The following PTPRT variants were observed in gnomAD, a reference collection of about 807,000 sequenced individuals.
PTPRT encodes protein tyrosine phosphatase receptor type T.
PTPRT carries 56 observed loss-of-function variants against 176.8 expected under a neutral mutation model. The observed-to-expected ratio is 0.32, with a 90% confidence interval of 0.26 to 0.40. The LOEUF (loss-of-function observed/expected upper bound fraction) is 0.40. Ranked by LOEUF, PTPRT falls within the 10% of genes least tolerant of loss-of-function variation. The probability of loss-of-function intolerance (pLI) is 1.00; values close to 1 mark genes in which losing one functional copy is unlikely to be tolerated. For missense variants in PTPRT, 1,540 were observed against 1,908.2 expected (o/e 0.81, Z 3.60); for synonymous variants, 783 against 739.0 (o/e 1.06, Z -0.96).
At chr20:42,182,726 C>A (rs564997162) in intron 16 of PTPRT, among the ~76,000 whole-genome samples, 1 of 152,116 alleles carries the variant, frequency 6.6e-6, no homozygotes, top group Admixed American at 6.5e-5. Flanking sequence ...AGGTATCACA[C>A]CCTCAAAATA....
chr20:42,930,329 T>G (rs1979753446), intron 1 of PTPRT, among the ~76,000 whole-genome samples: 1 of 152,154 alleles, frequency 6.6e-6, no homozygotes, highest in East Asian at 1.9e-4. Flanking sequence ...TTTCAGAAGA[T>G]TTGGGCCCCT....
At position 42,141,956 on chromosome 20, in the gene PTPRT, T is replaced by A; in HGVS notation, c.2729A>T (p.Asp910Val). 1 of 1,614,148 alleles carries A rather than the reference T, an allele frequency of 6.2e-7. No individual in the cohort carries two copies. Among genetic ancestry groups the A allele is most frequent in the Non-Finnish European group, 8.5e-7 (1 of 1,179,994 alleles). ...ATATCGATTCTTATTGCGGTTTTCA[T>A]CCTCCTTGGCTGTGTCCCACGAAGC... ...QTASWDTAKE[D>V]ENRNKNRYGN... is the part of the protein sequence containing the mutation. The change falls in exon 18 of 31, where the codon GAT (aspartate) becomes GTT (valine). Residue 910 changes from aspartate to valine, a missense_variant. Physicochemically the swap from Asp to Val is radical, Grantham distance 152 (BLOSUM62 -3). Coordinates refer to ENST00000373187, the MANE Select transcript of PTPRT (RefSeq NM_007050.6).
At position 43,027,656 on chromosome 20, in the gene PTPRT, C is replaced by T. The variant is rs912753109; in HGVS notation, c.89-141724G>A. ...GAGAGAGGCCTCAGGAGAAAACAAA[C>T]CTGCCAGCACCTCAATCTTCAACTT... On this transcript the variant is annotated intron_variant, in intron 1 of 30. Transcript: ENST00000373187. Among the ~76,000 whole-genome samples the T allele has an allele frequency of 4.6e-5, 7 of 152,072 alleles. 1 individual carries two copies. Among genetic ancestry groups the T allele is most frequent in the Non-Finnish European group, 4.4e-5 (3 of 68,014 alleles).
chr20:42,549,649 C>A (rs770180694), intron 7 of PTPRT, among the ~76,000 whole-genome samples: 5 of 152,168 alleles, frequency 3.3e-5, no homozygotes, highest in Non-Finnish European at 5.9e-5. Context: ...TGAAGAGGCA[C>A]CTGTTTATTC....
chr20:42,972,527 T>A (rs888633576), intron 1 of PTPRT, among the ~76,000 whole-genome samples: 1 of 151,726 alleles, frequency 6.6e-6, no homozygotes, highest in Non-Finnish European at 1.5e-5. Flanking sequence ...CTGCTTGTGA[T>A]GGTGCACACC....
At chr20:42,817,532 A>T (rs555122119) in intron 2 of PTPRT, among the ~76,000 whole-genome samples, 1 of 152,344 alleles carries the variant, frequency 6.6e-6, no homozygotes, top group South Asian at 2.1e-4. Context: ...TTATTCTAGG[A>T]AAGGAAAGAC....
chr20:42,885,912 G>C lies in PTPRT; in HGVS notation c.109C>G (p.His37Asp), dbSNP rs200648521. 713 of 1,608,870 alleles carry C rather than the reference G, an allele frequency of 4.4e-4. No homozygotes were observed. Among genetic ancestry groups the C allele is most frequent in the Middle Eastern group, 8.3e-4 (5 of 6,032 alleles). The change falls in exon 2 of 31, where the codon CAC (histidine) becomes GAC (aspartate). Residue 37 changes from histidine to aspartate, a missense_variant. Transcript: ENST00000373187. ...ACACTATAACCACAGTTGCTGTAGTGCTCATCAAAGGAACAGCCACCTGTA... is the reference window on the plus strand; with the variant it reads ...ACACTATAACCACAGTTGCTGTAGTCCTCATCAAAGGAACAGCCACCTGTA... ...SAAGGCSFDE[H>D]YSNCGYSVAL...
chr20:42,701,584 G>T (rs1320355329), intron 6 of PTPRT, among the ~76,000 whole-genome samples: 1 of 152,142 alleles, frequency 6.6e-6, no homozygotes, highest in Non-Finnish European at 1.5e-5. Context: ...GGTTTACATT[G>T]AGAATTGCAA....
chr20:42,293,654 C>T (rs533022390), intron 12 of PTPRT, among the ~76,000 whole-genome samples: 1 of 152,242 alleles, frequency 6.6e-6, no homozygotes, highest in Admixed American at 6.5e-5. Context: ...TCCTGAGATC[C>T]AGGCTCATCT....
intron 6 of PTPRT, among the ~76,000 whole-genome samples, chr20:42,725,181 C>T (rs763047231): frequency 6.6e-6 from 1 of 151,770 alleles, no homozygotes; most frequent in Non-Finnish European, 1.5e-5. Flanking sequence ...GCACACACCA[C>T]CACGCCCGGC....
chr20:43,137,025 C>T (rs539078285), intron 1 of PTPRT, among the ~76,000 whole-genome samples: 1 of 152,286 alleles, frequency 6.6e-6, no homozygotes, highest in African/African-American at 2.4e-5. Flanking sequence ...AGAATCCAGG[C>T]TAACTTTAAG....
At chr20:42,531,479 G>A (rs1006165443) in intron 7 of PTPRT, among the ~76,000 whole-genome samples, 3 of 152,142 alleles carry the variant, frequency 2.0e-5, no homozygotes, top group Non-Finnish European at 2.9e-5. Flanking sequence ...CTGGTTAGGC[G>A]AGGCCTTAAT....
chr20:43,047,867 TAAAC>T (rs1274575406), intron 1 of PTPRT, among the ~76,000 whole-genome samples: 1 of 152,088 alleles, frequency 6.6e-6, no homozygotes, highest in East Asian at 1.9e-4. Flanking sequence ...TGAGAAAAGT[TAAAC>T]AAATTACCCA....
In PTPRT at chr20:43,169,306, C is replaced by A. The variant is rs373456614; in HGVS notation, c.88+20340G>T. 7.2e-5 allele frequency among the ~76,000 whole-genome samples: 11 copies of A among 152,284 alleles called. No individual in the cohort carries two copies. In the East Asian group the frequency reaches 1.7e-3, roughly 24 times the overall value. ...AAATAATCGGTTATCGTACTGGGAG[C>A]CCACATCTATTTTTTCTCCTCCTGA... On this transcript the variant is annotated intron_variant, in intron 1 of 30. Transcript: ENST00000373187.
At chr20:42,596,869 G>A (rs2073680619) in intron 7 of PTPRT, among the ~76,000 whole-genome samples, 1 of 152,190 alleles carries the variant, frequency 6.6e-6, no homozygotes, top group Admixed American at 6.5e-5. Context: ...CTCTCATAAT[G>A]GTTGGAAGTG....
chr20:42,143,113 C>T (rs1988702443), intron 17 of PTPRT, among the ~76,000 whole-genome samples: 1 of 152,092 alleles, frequency 6.6e-6, no homozygotes, highest in South Asian at 2.1e-4. Context: ...GGTTAATGAA[C>T]TGGGCATTAT....
intron 21 of PTPRT, 128 bp from the exon 22 acceptor site, chr20:42,115,443 C>T (rs1281178230): frequency 4.3e-6 from 3 of 699,534 alleles, no homozygotes; most frequent in Admixed American, 2.1e-5. Flanking sequence ...ACTTTGGTGG[C>T]ATTTCAGTCC....
chr20:42,467,183 C>T (rs1023635518), intron 8 of PTPRT, among the ~76,000 whole-genome samples: 2 of 152,156 alleles, frequency 1.3e-5, no homozygotes, highest in Non-Finnish European at 2.9e-5. Flanking sequence ...AACGTAATAA[C>T]TGGTTCAGGT....
intron 2 of PTPRT, among the ~76,000 whole-genome samples, chr20:42,847,260 G>A (rs1254551737): frequency 6.6e-6 from 1 of 152,160 alleles, no homozygotes; most frequent in East Asian, 1.9e-4. Context: ...GAGAGAACAG[G>A]GGCGAGAAGA....
Sources: allele counts gnomAD v4.1 joint callset (sites outside exome capture counted in the v4.1 genomes callset), GRCh38; gene constraint gnomAD v4.1.1; transcripts MANE v1.5; gene names NCBI Gene and HGNC (gene_info 2026-07-23, HGNC 2026-07-21).